The following BABAM2 variants were observed in gnomAD, a reference collection of about 807,000 sequenced individuals.
BABAM2 encodes the protein BRISC and BRCA1 A complex member 2, also known as BRISC and BRCA1-A complex member 2.
BABAM2 carries 31 observed loss-of-function variants against 54.7 expected under a neutral mutation model. That is an observed-to-expected ratio of 0.57 (90% CI 0.43 to 0.77). The LOEUF (loss-of-function observed/expected upper bound fraction) is 0.77. Ranked by LOEUF, BABAM2 falls within the 30% of genes least tolerant of loss-of-function variation. The pLI is 0.00. For synonymous variants in BABAM2, 167 were observed against 162.9 expected (o/e 1.03, Z -0.19); for missense variants, 364 against 455.8 (o/e 0.80, Z 1.83).
intron 6 of BABAM2, among the ~76,000 whole-genome samples, chr2:28,099,442 C>T (rs1387782988): frequency 6.6e-6 from 1 of 152,152 alleles, no homozygotes; most frequent in Non-Finnish European, 1.5e-5. Flanking sequence ...TCTATAAGCA[C>T]TTGTTGCATT....
chr2:28,076,295 A>G lies in BABAM2; in HGVS notation c.570+30496A>G, dbSNP rs1348669145. ...TCTCAAAAAGAAAAGAAAAGAAAAG[A>G]AAATCTCATCCCTGTTTTTAAATGA... On this transcript the variant is annotated intron_variant, in intron 6 of 11. Coordinates refer to ENST00000379624, the MANE Select transcript of BABAM2 (RefSeq NM_199191.3). Among the ~76,000 whole-genome samples the G allele has an allele frequency of 2.6e-5, 4 of 151,986 alleles. No homozygotes were observed. The East Asian group carries it at 7.7e-4, about 29-fold the overall frequency.
At chr2:27,960,281 CA>C (rs1412669189) in intron 3 of BABAM2, among the ~76,000 whole-genome samples, 1 of 152,138 alleles carries the variant, frequency 6.6e-6, no homozygotes, top group Non-Finnish European at 1.5e-5. Flanking sequence ...GAGTTTTGCA[CA>C]GACTTCCAAG....
intron 7 of BABAM2, among the ~76,000 whole-genome samples, chr2:28,229,290 C>G (rs1681160199): frequency 1.3e-5 from 2 of 152,102 alleles, no homozygotes; most frequent in Non-Finnish European, 2.9e-5. Flanking sequence ...CCTATATGAC[C>G]TTAGAGAGGT....
chr2:28,059,002 C>G (rs971986076), intron 6 of BABAM2, among the ~76,000 whole-genome samples: 3 of 152,106 alleles, frequency 2.0e-5, no homozygotes, highest in African/African-American at 7.2e-5. Flanking sequence ...CCTCCCTTAT[C>G]CTGAGATACA....
At chr2:28,243,392 C>T (rs917025890) in intron 9 of BABAM2, among the ~76,000 whole-genome samples, 6 of 152,112 alleles carry the variant, frequency 3.9e-5, no homozygotes, top group African/African-American at 9.6e-5. Flanking sequence ...ATTAGCTGGG[C>T]GTGGTGGCGG....
intron 3 of BABAM2, among the ~76,000 whole-genome samples, chr2:27,959,034 G>C (rs1506537): frequency 0.64 from 97,596 of 152,106 alleles, 33,347 homozygotes; most frequent in Middle Eastern, 0.8. Flanking sequence ...TTTCTTGAGA[G>C]AAGAAGGCAA....
At chr2:28,292,296 G>A (rs531602558) in intron 10 of BABAM2, among the ~76,000 whole-genome samples, 9 of 152,256 alleles carry the variant, frequency 5.9e-5, no homozygotes, top group African/African-American at 9.6e-5. Context: ...TTCAAGGATC[G>A]AACTGTCCCG....
chr2:28,238,966 A>G (rs576187369), intron 8 of BABAM2, among the ~76,000 whole-genome samples: 2 of 152,096 alleles, frequency 1.3e-5, no homozygotes, highest in Non-Finnish European at 2.9e-5. Context: ...ACAAATGAGG[A>G]CAGTATGGGC....
At chr2:28,006,136 A>G in intron 4 of BABAM2, among the ~76,000 whole-genome samples, 1 of 151,862 alleles carries the variant, frequency 6.6e-6, no homozygotes, top group Non-Finnish European at 1.5e-5. Flanking sequence ...CTGCAGAAAC[A>G]GGGCCATTTG....
intron 5 of BABAM2, among the ~76,000 whole-genome samples, chr2:28,043,584 G>A (rs1677308523): frequency 1.3e-5 from 2 of 152,110 alleles, no homozygotes; most frequent in African/African-American, 4.8e-5. Context: ...TGTTATTGTT[G>A]CCTCTACACT....
chr2:28,338,464 C>A lies in BABAM2; in HGVS notation c.1103C>A (p.Thr368Asn). The change falls in exon 12 of 12, where the codon ACC becomes AAC. Residue 368 changes from threonine to asparagine, a missense_variant. Coordinates refer to ENST00000379624, the MANE Select transcript of BABAM2 (RefSeq NM_199191.3). ...MAKRAKAYFKTFVPQFQEAAF... is the reference protein window; with the variant it reads ...MAKRAKAYFKNFVPQFQEAAF... The stretch of plus-strand genomic sequence containing the variant: ...TTTCCCACCAGGGCTTATTTCAAAA[C>A]CTTTGTCCCTCAGTTCCAGGAGGCA... The A allele has an allele frequency of 6.2e-7, 1 of 1,614,144 alleles. No individual in the cohort carries two copies. Among genetic ancestry groups the A allele is most frequent in the Non-Finnish European group, 8.5e-7 (1 of 1,179,978 alleles).
intron 7 of BABAM2, among the ~76,000 whole-genome samples, chr2:28,197,650 A>C (rs913869663): frequency 6.6e-6 from 1 of 152,218 alleles, no homozygotes; most frequent in East Asian, 1.9e-4. Flanking sequence ...AGAGAGTACT[A>C]GTAACAAAGC....
At chr2:27,920,666 C>T (rs947441761) in intron 2 of BABAM2, among the ~76,000 whole-genome samples, 8 of 152,020 alleles carry the variant, frequency 5.3e-5, no homozygotes, top group African/African-American at 1.9e-4. Flanking sequence ...TTAGCACAAA[C>T]GTCACTATCA....
At chr2:28,182,552 G>A (rs1024523322) in intron 7 of BABAM2, among the ~76,000 whole-genome samples, 5 of 152,188 alleles carry the variant, frequency 3.3e-5, no homozygotes, top group Non-Finnish European at 7.3e-5. Context: ...GATAGTGGCA[G>A]TGGTAGGACT....
rs201747403 is a variant in BABAM2, at chr2:28,309,392, A to C, written c.1088+10901A>C. The C allele has an allele frequency of 6.6e-5, 10 of 152,136 alleles. No homozygotes were observed. The East Asian group carries it at 1.9e-3, about 29-fold the overall frequency. The allele number at this position is 152,136 out of a possible 1,614,324, so 9.4% of individuals were successfully genotyped here. ...TAAAGTCATCTGTGCCATATAACAA[A>C]ACCTGTTTACCAGAATGAAATCCAT... is the stretch of plus-strand genomic sequence containing the variant. On this transcript the variant is annotated intron_variant, in intron 11 of 11. Transcript: ENST00000379624.
intron 5 of BABAM2, among the ~76,000 whole-genome samples, chr2:28,041,745 TGTTAA>T (rs1253281590): frequency 1.3e-5 from 2 of 152,182 alleles, no homozygotes; most frequent in African/African-American, 4.8e-5. Flanking sequence ...TTTGCTCAAT[TGTTAA>T]CTTGTCAAAT....
intron 10 of BABAM2, among the ~76,000 whole-genome samples, chr2:28,258,046 A>AG (rs1684117438): frequency 6.6e-6 from 1 of 152,104 alleles, no homozygotes; most frequent in Non-Finnish European, 1.5e-5. Flanking sequence ...GCATGGCAGC[A>AG]GGCACTTGTA....
chr2:28,097,768 A>G (rs775838105), intron 6 of BABAM2, among the ~76,000 whole-genome samples: 15 of 152,148 alleles, frequency 9.9e-5, no homozygotes, highest in Non-Finnish European at 2.1e-4. Context: ...TCTTCTACAT[A>G]TATTTTCACT....
At chr2:28,196,836 CTTTTTTTTTTTTTT>C (rs759950166) in intron 7 of BABAM2, among the ~76,000 whole-genome samples, 1 of 40,248 alleles carries the variant, frequency 2.5e-5, no homozygotes, top group South Asian at 1.4e-3. Flanking sequence ...GAGACCCTGT[CTTTTTTTTTTTTTT>C]TTTTTTTTTT....
Sources: allele counts gnomAD v4.1 joint callset (sites outside exome capture counted in the v4.1 genomes callset), GRCh38; gene constraint gnomAD v4.1.1; transcripts MANE v1.5; gene names NCBI Gene and HGNC (gene_info 2026-07-23, HGNC 2026-07-21).